TPH2: variants seen among roughly 807,000 people sequenced by gnomAD.
TPH2 encodes tryptophan hydroxylase 2.
TPH2 carries 27 observed loss-of-function variants against 59.1 expected under a neutral mutation model. The observed-to-expected ratio is 0.46, with a 90% CI of 0.34 to 0.63. TPH2 has a LOEUF of 0.63. Ranked by LOEUF, TPH2 falls within the 30% of genes least tolerant of loss-of-function variation. The probability of loss-of-function intolerance (pLI) is 0.01; values close to 1 mark genes in which losing one functional copy is unlikely to be tolerated. For missense variants in TPH2, 523 were observed against 588.3 expected, an observed-to-expected ratio of 0.89 and a Z score of 1.15; for synonymous variants, 220 against 210.5, an observed-to-expected ratio of 1.05 and a Z score of -0.39.
intron 5 of TPH2, among the ~76,000 whole-genome samples, chr12:71,952,320 C>T (rs758605850): frequency 3.6e-4 from 55 of 152,116 alleles, no homozygotes; most frequent in Admixed American, 1.4e-3. Context: ...CAAAAGAGGG[C>T]TGGATGGAGC....
At chr12:72,018,622 GC>G (rs1185965492) in intron 8 of TPH2, among the ~76,000 whole-genome samples, 1 of 152,138 alleles carries the variant, frequency 6.6e-6, no homozygotes, top group African/African-American at 2.4e-5. Context: ...TATTTTGGAT[GC>G]TTTTGAATTT....
chr12:71,950,957 C>T (rs997798199), intron 5 of TPH2, among the ~76,000 whole-genome samples: 1 of 152,156 alleles, frequency 6.6e-6, no homozygotes, highest in South Asian at 2.1e-4. Flanking sequence ...CATCCTTCGT[C>T]CTTTCTCCAC....
Position 72,031,844 on chromosome 12 carries a change from G to A in TPH2, c.*149G>A, listed in dbSNP as rs41317118. 2.4e-3 allele frequency: 2,106 copies of A among 877,438 alleles called. 28 individuals are homozygous for A. In the East Asian group the frequency reaches 0.034, roughly 14 times the overall value. 54.4% of individuals were successfully genotyped at this position (877,438 alleles called of 1,614,324 possible). A position where few individuals can be genotyped will look rare whatever the true frequency, so the allele number is the denominator to read the frequency against. On this transcript the variant is annotated 3_prime_UTR_variant, in exon 11 of 11. Coordinates refer to ENST00000333850, the MANE Select transcript of TPH2 (RefSeq NM_173353.4). Reference sequence around the variant, plus strand: ...TCTATACCATCTTGTAACTCACTGTGTTAGTATATAAAGCACCATAAGAAA... The same window carrying A: ...TCTATACCATCTTGTAACTCACTGTATTAGTATATAAAGCACCATAAGAAA...
At chr12:71,984,831 CCTCAGTTTGGTAGCCATG>C (rs1872384583) in intron 7 of TPH2, among the ~76,000 whole-genome samples, 1 of 152,118 alleles carries the variant, frequency 6.6e-6, no homozygotes, top group Non-Finnish European at 1.5e-5. Flanking sequence ...GTGCACATAC[CCTCAGTTTGGTAGCCATG>C]CTCTCCCTTA....
rs531279693 is a variant in TPH2, at chr12:71,945,818, C to G, written c.540+1132C>G. 3.9e-5 allele frequency among the ~76,000 whole-genome samples: 6 copies of G among 152,216 alleles called. No individual in the cohort carries two copies. The South Asian group carries it at 1.2e-3, about 32-fold the overall frequency. On this transcript the variant is annotated intron_variant, in intron 4 of 10. Coordinates refer to ENST00000333850, the MANE Select transcript of TPH2 (RefSeq NM_173353.4). ...CATTCAAACAAATGGTCAAACAGAC[C>G]TAATTCAATTGCATTATTTTCAAAA...
intron 5 of TPH2, among the ~76,000 whole-genome samples, chr12:71,958,976 C>T (rs1320054873): frequency 6.6e-6 from 1 of 152,074 alleles, no homozygotes; most frequent in East Asian, 1.9e-4. Context: ...TTCTACTCAG[C>T]TCTATCAGAG....
chr12:71,951,579 C>T (rs765279453), intron 5 of TPH2, among the ~76,000 whole-genome samples: 1 of 152,144 alleles, frequency 6.6e-6, no homozygotes, highest in South Asian at 2.1e-4. Flanking sequence ...AACTCCTGGG[C>T]TCAAGTGATC....
chr12:71,996,978 A>G (rs543409815), intron 8 of TPH2, among the ~76,000 whole-genome samples: 144 of 144,118 alleles, frequency 1.0e-3, no homozygotes, highest in African/African-American at 3.2e-3. Context: ...GAATCTTTAA[A>G]GATGAGAAAA....
intron 7 of TPH2, among the ~76,000 whole-genome samples, chr12:71,981,670 C>T (rs1872281241): frequency 6.6e-6 from 1 of 151,914 alleles, no homozygotes; most frequent in Non-Finnish European, 1.5e-5. Flanking sequence ...AGTGGAAAGT[C>T]ATTTCTAATA....
intron 4 of TPH2, among the ~76,000 whole-genome samples, chr12:71,948,954 A>G (rs1476790326): frequency 6.6e-6 from 1 of 152,232 alleles, no homozygotes; most frequent in African/African-American, 2.4e-5. Flanking sequence ...CTGATGATGG[A>G]TAAAAATCTT....
intron 6 of TPH2, 120 bp from the exon 7 acceptor site, chr12:71,978,832 A>G: frequency 7.9e-7 from 1 of 1,266,354 alleles, no homozygotes; most frequent in Non-Finnish European, 1.2e-6. Context: ...AGTTGTCAAG[A>G]GGTTTATGAC....
At position 71,996,944 on chromosome 12, in the gene TPH2, T is replaced by A. The variant is rs138413011; in HGVS notation, c.1068+2379T>A. Among the ~76,000 whole-genome samples, 381 of 151,936 alleles carry A rather than the reference T, an allele frequency of 2.5e-3. 2 individuals are homozygous for A. The highest frequency in any genetic ancestry group is 8.1e-3 in the African/African-American group (336 of 41,500). On this transcript the variant is annotated intron_variant, in intron 8 of 10. Coordinates refer to ENST00000333850, the MANE Select transcript of TPH2 (RefSeq NM_173353.4). ...TTATAGCTTATATCGACAAAACAGA[T>A]TTTTTAAGAGGATAGTTTGTACTGA...
At chr12:71,998,301 T>G (rs1384142341) in intron 8 of TPH2, among the ~76,000 whole-genome samples, 1 of 152,170 alleles carries the variant, frequency 6.6e-6, no homozygotes, top group Non-Finnish European at 1.5e-5. Flanking sequence ...CTTCGAATAG[T>G]GTTTTGCAGA....
Position 71,975,126 on chromosome 12 carries a change from C to G in TPH2, c.805+2411C>G, listed in dbSNP as rs376649950. On this transcript the variant is annotated intron_variant, in intron 6 of 10. Transcript: ENST00000333850. ...CATGGGGAGGCCAAGGCAGGCGGAT[C>G]ACTTGAGGTCAGGAGTTCGAGACCA... Among the ~76,000 whole-genome samples, 18 of 152,288 alleles carry G rather than the reference C, an allele frequency of 1.2e-4. No individual in the cohort carries two copies. The South Asian group carries it at 3.7e-3, about 32-fold the overall frequency.
chr12:71,979,449 G>A (rs1188793876), intron 7 of TPH2, among the ~76,000 whole-genome samples: 2 of 152,180 alleles, frequency 1.3e-5, no homozygotes, highest in Non-Finnish European at 2.9e-5. Flanking sequence ...TCATGTGAAG[G>A]AGGTTCATGT....
chr12:71,979,286 C>G (rs891354603), intron 7 of TPH2, among the ~76,000 whole-genome samples, 199 bp downstream of exon 7: 2 of 152,182 alleles, frequency 1.3e-5, no homozygotes, highest in African/African-American at 4.8e-5. Flanking sequence ...CCTGATATTC[C>G]AGCTCTGGCT....
At chr12:71,960,735 G>A (rs539144274) in intron 5 of TPH2, among the ~76,000 whole-genome samples, 2 of 152,268 alleles carry the variant, frequency 1.3e-5, no homozygotes, top group East Asian at 1.9e-4. Flanking sequence ...GACAACAGTT[G>A]CACCAAATTC....
Position 72,005,015 on chromosome 12 carries a change from A to G in TPH2, c.1068+10450A>G, listed in dbSNP as rs901418690. On this transcript the variant is annotated intron_variant, in intron 8 of 10. Transcript: ENST00000333850. Reference sequence around the variant, plus strand: ...AGAAATCTCTTGGCTGTCTTCTTAGAAATATTGCAATTTGCTTAGAGTTTT... The same window carrying G: ...AGAAATCTCTTGGCTGTCTTCTTAGGAATATTGCAATTTGCTTAGAGTTTT... 3.9e-5 allele frequency among the ~76,000 whole-genome samples: 6 copies of G among 152,204 alleles called. 1 individual carries two copies. The highest frequency in any genetic ancestry group is 4.1e-4 in the South Asian group (2 of 4,836).
chr12:72,016,752 T>C (rs1439673947), intron 8 of TPH2, among the ~76,000 whole-genome samples: 1 of 152,214 alleles, frequency 6.6e-6, no homozygotes, highest in East Asian at 1.9e-4. Context: ...ACTCAGTCAC[T>C]TCCTCACTTG....
Sources: allele counts gnomAD v4.1 joint callset (sites outside exome capture counted in the v4.1 genomes callset), GRCh38; gene constraint gnomAD v4.1.1; transcripts MANE v1.5; gene names NCBI Gene and HGNC (gene_info 2026-07-23, HGNC 2026-07-21).